ZNF225: variants seen among roughly 807,000 people sequenced by gnomAD.
ZNF225 encodes the protein zinc finger protein 225.
ZNF225 carries 6 observed loss-of-function variants against 12.0 expected under a neutral mutation model. The ratio of observed to expected loss-of-function variants is 0.50; its 90% CI spans 0.27 to 0.98. The LOEUF (loss-of-function observed/expected upper bound fraction) is 0.98, where lower values mean the gene tolerates loss of function less well. ZNF225 is among the 50% of genes least tolerant of loss of function. The pLI is 0.11. For missense variants in ZNF225, 763 were observed against 848.2 expected (o/e 0.90, Z 1.25); for synonymous variants, 271 against 283.2 (o/e 0.96, Z 0.43).
chr19:44,134,417 G>A lies in ZNF225; in HGVS notation c.*1682G>A, dbSNP rs150322552. The A allele has an allele frequency of 2.8e-4, 43 of 152,244 alleles. No homozygotes were observed. In the East Asian group the frequency reaches 5.6e-3, roughly 20 times the overall value. The allele number at this position is 152,244 out of a possible 1,614,324, so 9.4% of individuals were successfully genotyped here. A position where few individuals can be genotyped will look rare whatever the true frequency, so the allele number is the denominator to read the frequency against. ...AATGGTGGCAACCCTCTCAAACTCC[G>A]TGTTTCCTAACACCAGCTAAAGGCC... On this transcript the variant is annotated 3_prime_UTR_variant, in exon 5 of 5. Coordinates refer to ENST00000262894, the MANE Select transcript of ZNF225 (RefSeq NM_013362.4).
At chr19:44,121,800 A>C (rs1174776157) in intron 4 of ZNF225, among the ~76,000 whole-genome samples, 1 of 152,114 alleles carries the variant, frequency 6.6e-6, no homozygotes, top group African/African-American at 2.4e-5. Flanking sequence ...TTCTTTTGAA[A>C]ATTGTCTATT....
In ZNF225 at chr19:44,131,854, C is replaced by T. The variant is rs1179700004; in HGVS notation, c.1240C>T (p.Gln414Ter). 1 of 1,613,966 alleles carries T rather than the reference C, an allele frequency of 6.2e-7. No homozygotes were observed. Among genetic ancestry groups the T allele is most frequent in the Non-Finnish European group, 8.5e-7 (1 of 1,179,970 alleles). ...TGGGAAGGGATTTTATACAAATTCACAACGTTATTCTCACCAGAGAGCGCA... is the reference window on the plus strand; with the variant it reads ...TGGGAAGGGATTTTATACAAATTCATAACGTTATTCTCACCAGAGAGCGCA... ...ECGKGFYTNS[Q>*]RYSHQRAHSG... Residue 414 changes from glutamine (Q) to a stop codon, truncating the protein, a stop_gained, in exon 5 of 5, where the codon CAA becomes TAA. Coordinates refer to ENST00000262894, the MANE Select transcript of ZNF225 (RefSeq NM_013362.4). LOFTEE classifies it low-confidence loss of function (END_TRUNC).
In ZNF225 at chr19:44,133,696, G is replaced by A. The variant is rs1320639151; in HGVS notation, c.*961G>A. 3.3e-5 allele frequency: 5 copies of A among 152,046 alleles called. No individual in the cohort carries two copies. Among genetic ancestry groups the A allele is most frequent in the East Asian group, 1.9e-4 (1 of 5,180 alleles). 9.4% of individuals were successfully genotyped at this position (152,046 alleles called of 1,614,324 possible). A position where few individuals can be genotyped will look rare whatever the true frequency, so the allele number is the denominator to read the frequency against. On this transcript the variant is annotated 3_prime_UTR_variant, in exon 5 of 5. Transcript: ENST00000262894. ...GTTAGGACAAAGAGCAGGATTGAGCGCCATTCCATTCATAGACACCGTGGT... is the reference window on the plus strand; with the variant it reads ...GTTAGGACAAAGAGCAGGATTGAGCACCATTCCATTCATAGACACCGTGGT...
chr19:44,122,360 C>T (rs2147561564), intron 4 of ZNF225, among the ~76,000 whole-genome samples: 1 of 152,236 alleles, frequency 6.6e-6, no homozygotes, highest in South Asian at 2.1e-4. Flanking sequence ...GTCTATGTGC[C>T]TATTTTTATA....
At chr19:44,114,214 G>A (rs898754505) in intron 1 of ZNF225, 3 of 1,011,720 alleles carry the variant, frequency 3.0e-6, no homozygotes, top group Admixed American at 3.6e-5. Context: ...AAAGCTCTAC[G>A]TGAGTGATCC....
At chr19:44,126,246 A>ACT (rs1290355944) in intron 4 of ZNF225, among the ~76,000 whole-genome samples, 1 of 151,464 alleles carries the variant, frequency 6.6e-6, no homozygotes, top group African/African-American at 2.4e-5. Flanking sequence ...TTGATGTAGT[A>ACT]CTCTCCCCCT....
Position 44,130,827 on chromosome 19 carries a change from C to G in ZNF225, c.236-23C>G, listed in dbSNP as rs765041906. On this transcript the variant is annotated intron_variant, in intron 4 of 4. Transcript: ENST00000262894. ...GAATAAAAGCTTTACTTGCCCACAT[C>G]TCTTAATTCTGTGTCATTATAGGAG... 4 of 1,578,268 alleles carry G rather than the reference C, an allele frequency of 2.5e-6. No individual in the cohort carries two copies. The South Asian group carries it at 4.7e-5, about 19-fold the overall frequency.
chr19:44,132,133 A>C lies in ZNF225; in HGVS notation c.1519A>C (p.Ser507Arg). The C allele has an allele frequency of 6.2e-7, 1 of 1,614,202 alleles. No homozygotes were observed. The highest frequency in any genetic ancestry group is 1.1e-5 in the South Asian group (1 of 91,082). Residue 507 changes from serine to arginine, a missense_variant, in exon 5 of 5, where the codon AGT (serine) becomes CGT (arginine). By Grantham distance (110) the Ser-to-Arg change is moderately radical. Coordinates refer to ENST00000262894, the MANE Select transcript of ZNF225 (RefSeq NM_013362.4). ...ACTTTATACCCATCGTAGAGTCCAC[A>C]GTGGAGAAAAACCATTCAAATGTGA... Reference protein sequence around the residue: ...SQLYTHRRVHSGEKPFKCEEC... With the variant: ...SQLYTHRRVHRGEKPFKCEEC...
intron 2 of ZNF225, among the ~76,000 whole-genome samples, chr19:44,116,297 G>A (rs978336947): frequency 5.3e-5 from 8 of 152,224 alleles, no homozygotes; most frequent in African/African-American, 1.9e-4. Context: ...ATCCTTGTGT[G>A]AAGCAGCAGT....
rs1599680179 is a variant in ZNF225, at chr19:44,129,431, C to T, written c.236-1419C>T. On this transcript the variant is annotated intron_variant, in intron 4 of 4. Coordinates refer to ENST00000262894, the MANE Select transcript of ZNF225 (RefSeq NM_013362.4). ...AGTCCAGGGAAGTATCAAATGAGAA[C>T]TTTTTATTGTACTCTCCCCATGAAA... 12 of 177,084 alleles carry T rather than the reference C, an allele frequency of 6.8e-5. No homozygotes were observed. The East Asian group carries it at 1.7e-3, about 25-fold the overall frequency. The allele number at this position is 177,084 out of a possible 1,614,324, so 11.0% of individuals were successfully genotyped here. A position where few individuals can be genotyped will look rare whatever the true frequency, so the allele number is the denominator to read the frequency against.
At chr19:44,124,217 A>G (rs921462152) in intron 4 of ZNF225, among the ~76,000 whole-genome samples, 1 of 151,940 alleles carries the variant, frequency 6.6e-6, no homozygotes, top group Non-Finnish European at 1.5e-5. Flanking sequence ...TTGTGTCATT[A>G]TTGTCTTTCA....
chr19:44,118,703 C>T lies in ZNF225; in HGVS notation c.235+129C>T, dbSNP rs550559106. On this transcript the variant is annotated intron_variant, in intron 4 of 4. Coordinates refer to ENST00000262894, the MANE Select transcript of ZNF225 (RefSeq NM_013362.4). ...TTCCTGAATTATTACAGCTGACTTT[C>T]GGCTGGTTTCCCTGCTCCCACTTTT... 64 of 931,906 alleles carry T rather than the reference C, an allele frequency of 6.9e-5. 2 individuals carry two copies. The East Asian group carries it at 1.3e-3, about 19-fold the overall frequency. The allele number at this position is 931,906 out of a possible 1,614,324, so 57.7% of individuals were successfully genotyped here.
rs1370694191 is a variant in ZNF225, at chr19:44,113,437, G to A, written c.-201G>A. 1.3e-5 allele frequency: 2 copies of A among 152,290 alleles called. No homozygotes were observed. The highest frequency in any genetic ancestry group is 6.5e-5 in the Admixed American group (1 of 15,286). 9.4% of individuals were successfully genotyped at this position (152,290 alleles called of 1,614,324 possible). A position where few individuals can be genotyped will look rare whatever the true frequency, so the allele number is the denominator to read the frequency against. On this transcript the variant is annotated 5_prime_UTR_variant, in exon 1 of 5. Transcript: ENST00000262894. Reference sequence around the variant, plus strand: ...GCCACTTCCGCTCCGTTACTGTGAGGTTGCTGCAGTTTTGTCCCTGGTAGT... The same window carrying A: ...GCCACTTCCGCTCCGTTACTGTGAGATTGCTGCAGTTTTGTCCCTGGTAGT...
chr19:44,119,772 C>G (rs1968015435), intron 4 of ZNF225, among the ~76,000 whole-genome samples: 1 of 152,180 alleles, frequency 6.6e-6, no homozygotes, highest in South Asian at 2.1e-4. Context: ...AATCATTGTT[C>G]TGTCTACTAC....
intron 1 of ZNF225, 49 bp from the exon 2 acceptor site, chr19:44,115,711 C>T (rs1967928737): frequency 1.0e-6 from 1 of 978,032 alleles, no homozygotes; most frequent in Admixed American, 2.7e-5. Flanking sequence ...GATGGCATCC[C>T]TGGCCACACT....
At position 44,131,836 on chromosome 19, in the gene ZNF225, G is replaced by C; in HGVS notation, c.1222G>C (p.Gly408Arg). The C allele has an allele frequency of 1.2e-6, 2 of 1,613,530 alleles. No homozygotes were observed. Among genetic ancestry groups the C allele is most frequent in the Non-Finnish European group, 1.7e-6 (2 of 1,179,880 alleles). ...TTFKCEECGK[G>R]FYTNSQRYSH... ...ATTCAAATGTGAAGAATGTGGGAAG[G>C]GATTTTATACAAATTCACAACGTTA... The change falls in exon 5 of 5, where the codon GGA (glycine) becomes CGA (arginine). Residue 408 changes from glycine (G) to arginine (R), a missense_variant. Coordinates refer to ENST00000262894, the MANE Select transcript of ZNF225 (RefSeq NM_013362.4).
At position 44,132,967 on chromosome 19, in the gene ZNF225, C is replaced by A. The variant is rs1968319293; in HGVS notation, c.*232C>A. The A allele has an allele frequency of 8.3e-6, 3 of 362,924 alleles. No homozygotes were observed. Among genetic ancestry groups the A allele is most frequent in the Non-Finnish European group, 1.5e-5 (3 of 203,714 alleles). 22.5% of individuals were successfully genotyped at this position (362,924 alleles called of 1,614,324 possible). A position where few individuals can be genotyped will look rare whatever the true frequency, so the allele number is the denominator to read the frequency against. On this transcript the variant is annotated 3_prime_UTR_variant, in exon 5 of 5. Transcript: ENST00000262894. ...TTATTCCTCCTACCTGCCTGTATTTCTGTATTCATTAACCAACCTTTGGCT... is the reference window on the plus strand; with the variant it reads ...TTATTCCTCCTACCTGCCTGTATTTATGTATTCATTAACCAACCTTTGGCT...
chr19:44,131,734 T>C lies in ZNF225; in HGVS notation c.1120T>C (p.Cys374Arg), dbSNP rs1175814960. Residue 374 changes from cysteine (C) to arginine (R), a missense_variant, in exon 5 of 5, where the codon TGT (cysteine) becomes CGT (arginine). Coordinates refer to ENST00000262894, the MANE Select transcript of ZNF225 (RefSeq NM_013362.4). ...CCACACAGGGGAGAAGCCATATAAT[T>C]GTAAAGAATGTGGAAAGAGCTTCAG... The part of the protein sequence containing the change: ...IDHTGEKPYN[C>R]KECGKSFRWA... The C allele has an allele frequency of 5.6e-6, 9 of 1,614,204 alleles. No individual in the cohort carries two copies. Among genetic ancestry groups the C allele is most frequent in the Non-Finnish European group, 7.6e-6 (9 of 1,180,040 alleles).
intron 2 of ZNF225, among the ~76,000 whole-genome samples, chr19:44,116,268 C>T (rs1022254370): frequency 6.6e-6 from 1 of 152,190 alleles, no homozygotes; most frequent in African/African-American, 2.4e-5. Context: ...TAGCTCTTCC[C>T]GTGTGAACAC....
Sources: allele counts gnomAD v4.1 joint callset (sites outside exome capture counted in the v4.1 genomes callset), GRCh38; gene constraint gnomAD v4.1.1; transcripts MANE v1.5; gene names NCBI Gene and HGNC (gene_info 2026-07-23, HGNC 2026-07-21).